AP3B2: variants seen among roughly 807,000 people sequenced by gnomAD.
The protein encoded by AP3B2 is adaptor related protein complex 3 subunit beta 2.
In AP3B2, 50 loss-of-function variants were observed where a neutral mutation model predicts 126.9. The ratio of observed to expected loss-of-function variants is 0.39; its 90% CI spans 0.31 to 0.50. AP3B2 has a LOEUF of 0.50. Among genes scored for constraint, AP3B2 ranks in the 20% least tolerant of loss-of-function variants. The probability of loss-of-function intolerance (pLI) is 0.79; values close to 1 mark genes in which losing one functional copy is unlikely to be tolerated. For synonymous variants in AP3B2, 541 were observed against 565.0 expected, an observed-to-expected ratio of 0.96 and a Z score of 0.60; for missense variants, 1,177 against 1,426.4, an observed-to-expected ratio of 0.83 and a Z score of 2.82.
At chr15:82,692,412 T>TCA in intron 1 of AP3B2, 1 of 462,396 alleles carries the variant, frequency 2.2e-6, no homozygotes, top group Non-Finnish European at 3.8e-6. Context: ...CCCCGCGGGC[T>TCA]CTGAGGCGCT....
rs767970176 is a variant in AP3B2, at chr15:82,676,508, G to A, written c.1618C>T (p.Gln540Ter). ...FTAEEDIVKL[Q>*]VINLAAKLYL... is the part of the protein sequence containing the mutation. ...AGCTTGGCTGCCAGGTTGATGACCTGCAGCTTGACAATATCCTCCTCTGCT... is the reference window on the plus strand; with the variant it reads ...AGCTTGGCTGCCAGGTTGATGACCTACAGCTTGACAATATCCTCCTCTGCT... Residue 540 changes from glutamine to a stop codon, truncating the protein, a stop_gained, in exon 14 of 27, where the codon CAG becomes TAG. Transcript: ENST00000535359. LOFTEE classifies it high-confidence loss of function. The A allele has an allele frequency of 1.2e-6, 2 of 1,613,898 alleles. No individual in the cohort carries two copies. The highest frequency in any genetic ancestry group is 2.7e-5 in the African/African-American group (2 of 74,926).
intron 1 of AP3B2, among the ~76,000 whole-genome samples, chr15:82,703,324 C>T (rs918525917): frequency 6.9e-5 from 10 of 145,268 alleles, no homozygotes; most frequent in African/African-American, 2.5e-4. Context: ...GGACAAGCAC[C>T]CCCGACTCCT....
At chr15:82,697,003 C>T (rs992419058) in intron 1 of AP3B2, among the ~76,000 whole-genome samples, 2 of 152,232 alleles carry the variant, frequency 1.3e-5, no homozygotes, top group Middle Eastern at 6.8e-3. Context: ...GACCCAGGCA[C>T]AAGAACCCAG....
At chr15:82,693,773 T>A (rs1278592450) in intron 1 of AP3B2, among the ~76,000 whole-genome samples, 1 of 152,050 alleles carries the variant, frequency 6.6e-6, no homozygotes, top group Non-Finnish European at 1.5e-5. Flanking sequence ...CCATCTCAGC[T>A]CACTGCAACC....
Position 82,665,683 on chromosome 15 carries a change from G to A in AP3B2, c.1853-108C>T. On this transcript the variant is annotated intron_variant, in intron 15 of 26. Coordinates refer to ENST00000535359, the MANE Select transcript of AP3B2 (RefSeq NM_001278512.2). This position sits in a 1 kb window ranked among gnomAD's most constrained non-coding sequence, Gnocchi z 4.4. ...GATTCTGGTTGGGACTTCCCAGGTGGGTAGGGGAAGGAGATGGATGTGTGC... is the reference window on the plus strand; with the variant it reads ...GATTCTGGTTGGGACTTCCCAGGTGAGTAGGGGAAGGAGATGGATGTGTGC... The A allele has an allele frequency of 1.3e-6, 1 of 799,880 alleles. No individual in the cohort carries two copies. Among genetic ancestry groups the A allele is most frequent in the Non-Finnish European group, 2.1e-6 (1 of 477,026 alleles). The allele number at this position is 799,880 out of a possible 1,614,324, so 49.5% of individuals were successfully genotyped here. A position where few individuals can be genotyped will look rare whatever the true frequency, so the allele number is the denominator to read the frequency against.
chr15:82,667,412 C>A (rs1215887510), intron 14 of AP3B2, among the ~76,000 whole-genome samples: 1 of 152,192 alleles, frequency 6.6e-6, no homozygotes, highest in African/African-American at 2.4e-5. Flanking sequence ...ACCCTCATGC[C>A]CTATCCACCC....
At chr15:82,682,047 C>T (rs1364545740) in intron 4 of AP3B2, among the ~76,000 whole-genome samples, 2 of 79,926 alleles carry the variant, frequency 2.5e-5, no homozygotes, top group African/African-American at 5.5e-5. Context: ...TAGGCCCTTC[C>T]TTTTTTTTTT....
intron 1 of AP3B2, among the ~76,000 whole-genome samples, chr15:82,703,498 G>A (rs2048752542): frequency 6.6e-6 from 1 of 151,938 alleles, no homozygotes; most frequent in Non-Finnish European, 1.5e-5. Context: ...CTTAGCCTGT[G>A]TTCTCAAGAA....
intron 1 of AP3B2, among the ~76,000 whole-genome samples, chr15:82,697,313 A>G (rs569345803): frequency 7.9e-5 from 12 of 152,234 alleles, no homozygotes; most frequent in Non-Finnish European, 1.5e-4. Context: ...CAGCCTGGGC[A>G]ACAGAACGAG....
At chr15:82,709,076 G>A (rs1012332633) in intron 1 of AP3B2, among the ~76,000 whole-genome samples, 1 of 152,164 alleles carries the variant, frequency 6.6e-6, no homozygotes, top group African/African-American at 2.4e-5. Flanking sequence ...GCAATGCCAG[G>A]AGCAGGGATG....
At chr15:82,684,905 C>T (rs2048400630) in intron 4 of AP3B2, among the ~76,000 whole-genome samples, 1 of 152,212 alleles carries the variant, frequency 6.6e-6, no homozygotes, top group Non-Finnish European at 1.5e-5. Context: ...AACATACCTT[C>T]CTCACTAAGC....
At chr15:82,662,567 G>T in intron 23 of AP3B2, 127 bp downstream of exon 23, 2 of 891,952 alleles carry the variant, frequency 2.2e-6, no homozygotes, top group Non-Finnish European at 3.5e-6. Context: ...TGTTGATCAT[G>T]TTAGATGCTA....
intron 1 of AP3B2, among the ~76,000 whole-genome samples, chr15:82,706,948 T>G (rs1014836269): frequency 6.6e-6 from 1 of 152,188 alleles, no homozygotes; most frequent in African/African-American, 2.4e-5. Flanking sequence ...CAAATTGACT[T>G]TACTCACATG....
intron 1 of AP3B2, among the ~76,000 whole-genome samples, chr15:82,707,974 C>A (rs2048823267): frequency 6.6e-6 from 1 of 152,126 alleles, no homozygotes; most frequent in Non-Finnish European, 1.5e-5. Flanking sequence ...GCTGCCCCAA[C>A]ACTTCAACAC....
In AP3B2 at chr15:82,692,175, T is replaced by C. The variant is rs1017553125; in HGVS notation, c.114-2722A>G. 5.4e-6 allele frequency: 8 copies of C among 1,469,106 alleles called. No individual in the cohort carries two copies. The East Asian group carries it at 1.9e-4, about 35-fold the overall frequency. The allele number at this position is 1,469,106 out of a possible 1,614,324, so 91.0% of individuals were successfully genotyped here. On this transcript the variant is annotated intron_variant, in intron 1 of 26. Transcript: ENST00000535359. ...GCCATAATCATAACTATTTCTTCCA[T>C]AAATAGCATCCTCTGCATCTCGGGG... is the stretch of plus-strand genomic sequence containing the variant.
In AP3B2 at chr15:82,689,203, G is replaced by T. The variant is rs1240626906; in HGVS notation, c.219C>A (p.Asp73Glu). 2 of 1,613,854 alleles carry T rather than the reference G, an allele frequency of 1.2e-6. No homozygotes were observed. Among genetic ancestry groups the T allele is most frequent in the African/African-American group, 2.7e-5 (2 of 74,948 alleles). The change falls in exon 3 of 27, where the codon GAC (aspartate) becomes GAA (glutamate). Residue 73 changes from aspartate (D) to glutamate (E), a missense_variant. By Grantham distance (45) the Asp-to-Glu change is conservative (BLOSUM62 2). Coordinates refer to ENST00000535359, the MANE Select transcript of AP3B2 (RefSeq NM_001278512.2). Reference sequence around the variant, plus strand: ...CGTTCTTCACCACCGCGGGAAACAGGTCTGAAGCATTCTTTCCTCGGGCAA... The same window carrying T: ...CGTTCTTCACCACCGCGGGAAACAGTTCTGAAGCATTCTTTCCTCGGGCAA... ...AMIARGKNAS[D>E]LFPAVVKNVA...
chr15:82,669,957 C>T lies in AP3B2; in HGVS notation c.1666-3024G>A, dbSNP rs572696193. ...CAGAGGTTGTGGTGAGTGGAGATCG[C>T]GTCACTGCAGTCCAGAGCCTGGGCA... On this transcript the variant is annotated intron_variant, in intron 14 of 26. Coordinates refer to ENST00000535359, the MANE Select transcript of AP3B2 (RefSeq NM_001278512.2). 6.7e-4 allele frequency among the ~76,000 whole-genome samples: 85 copies of T among 126,186 alleles called. 1 individual carries two copies. The highest frequency in any genetic ancestry group is 6.3e-3 in the Admixed American group (71 of 11,250). 82.8% of individuals were successfully genotyped at this position (126,186 alleles called of 152,430 possible).
rs2048538466 is a variant in AP3B2 at position 82,691,767 on chromosome 15, T to A, written c.114-2314A>T. 1.9e-6 allele frequency: 3 copies of A among 1,569,790 alleles called. No homozygotes were observed. The South Asian group carries it at 3.3e-5, about 17-fold the overall frequency. ...GAGAAGTGGTGTGGGGAACCCCGGC[T>A]TTAGTATGGAGAGTCACGGCCCCTT... On this transcript the variant is annotated intron_variant, in intron 1 of 26. Coordinates refer to ENST00000535359, the MANE Select transcript of AP3B2 (RefSeq NM_001278512.2).
chr15:82,665,134 GC>G lies in AP3B2; in HGVS notation c.2028+112del. 1 of 1,293,738 alleles carries G rather than the reference GC, an allele frequency of 7.7e-7. No homozygotes were observed. The highest frequency in any genetic ancestry group is 1.1e-6 in the Non-Finnish European group (1 of 933,626). 80.1% of individuals were successfully genotyped at this position (1,293,738 alleles called of 1,614,324 possible). A position where few individuals can be genotyped will look rare whatever the true frequency, so the allele number is the denominator to read the frequency against. On this transcript the variant is annotated intron_variant, in intron 17 of 26. Transcript: ENST00000535359. This position sits in a 1 kb window ranked among gnomAD's most constrained non-coding sequence, Gnocchi z 4.4. ...GGAATGCTGCTCACAGAGGAGCACT[GC>G]CAAACCAAGGTGGAAACAGAGTATG...
Sources: allele counts gnomAD v4.1 joint callset (sites outside exome capture counted in the v4.1 genomes callset), GRCh38; gene constraint gnomAD v4.1.1; non-coding constraint Gnocchi (gnomAD v3.1); transcripts MANE v1.5; gene names NCBI Gene and HGNC (gene_info 2026-07-23, HGNC 2026-07-21).